Variants in INPP5A observed in about 807,000 individuals in gnomAD.
INPP5A encodes 43 kDa inositol polyphosphate 5-phophatase.
INPP5A carries 14 observed loss-of-function variants against 65.2 expected under a neutral mutation model. The observed-to-expected ratio is 0.21, with a 90% confidence interval of 0.14 to 0.34. The LOEUF is 0.34. Ranked by LOEUF, INPP5A falls within the 10% of genes least tolerant of loss-of-function variation. The pLI is 1.00. For synonymous variants in INPP5A, 207 were observed against 208.3 expected, an observed-to-expected ratio of 0.99 and a Z score of 0.05; for missense variants, 431 against 545.6, an observed-to-expected ratio of 0.79 and a Z score of 2.09.
chr10:132,557,654 C>T (rs1241422056), intron 1 of INPP5A, among the ~76,000 whole-genome samples: 3 of 152,178 alleles, frequency 2.0e-5, no homozygotes, highest in African/African-American at 7.2e-5. Context: ...GTCTGTCAGA[C>T]TTAGGGTGTA....
intron 12 of INPP5A, among the ~76,000 whole-genome samples, chr10:132,766,786 C>T (rs12257116): frequency 7.5e-4 from 115 of 152,350 alleles, no homozygotes; most frequent in African/African-American, 2.5e-3. Flanking sequence ...TGTTGGAAGC[C>T]GCAGGGGACT....
chr10:132,688,817 C>T (rs924664423), intron 4 of INPP5A, among the ~76,000 whole-genome samples: 2 of 4,174 alleles, frequency 4.8e-4, no homozygotes, highest in Non-Finnish European at 7.8e-4. Context: ...AGTGTGAGTG[C>T]ATGACTGAGT....
At chr10:132,632,563 G>A (rs909575045) in intron 2 of INPP5A, among the ~76,000 whole-genome samples, 1 of 152,172 alleles carries the variant, frequency 6.6e-6, no homozygotes, top group African/African-American at 2.4e-5. Flanking sequence ...GCAGGAGCCC[G>A]TGCCCGGTGT....
rs191613771 is a variant in INPP5A at position 132,682,881 on chromosome 10, C to T, written c.307-7511C>T. Among the ~76,000 whole-genome samples the T allele has an allele frequency of 4.0e-3, 602 of 149,198 alleles. 6 individuals carry two copies. Among genetic ancestry groups the T allele is most frequent in the African/African-American group, 0.014 (573 of 40,124 alleles). ...TGTGTATTATATACATATGCACGCACGTTTAATCTGTGTGTACACATGTGT... is the reference window on the plus strand; with the variant it reads ...TGTGTATTATATACATATGCACGCATGTTTAATCTGTGTGTACACATGTGT... On this transcript the variant is annotated intron_variant, in intron 4 of 15. Transcript: ENST00000368594.
At chr10:132,566,861 TA>T (rs2133277889) in intron 1 of INPP5A, among the ~76,000 whole-genome samples, 1 of 152,336 alleles carries the variant, frequency 6.6e-6, no homozygotes, top group East Asian at 1.9e-4. Flanking sequence ...AAGAATAATG[TA>T]AATATTGAAT....
chr10:132,584,764 C>A (rs574435789), intron 1 of INPP5A, among the ~76,000 whole-genome samples: 2 of 152,186 alleles, frequency 1.3e-5, no homozygotes, highest in African/African-American at 4.8e-5. Context: ...GAGACAGGGT[C>A]TCCCTCTGTC....
intron 4 of INPP5A, among the ~76,000 whole-genome samples, chr10:132,681,626 C>G (rs938419148): frequency 6.6e-6 from 1 of 152,054 alleles, no homozygotes; most frequent in Non-Finnish European, 1.5e-5. Context: ...GGAGTTGGAA[C>G]CTTTGTGCAC....
At chr10:132,542,667 G>C (rs2070921848) in intron 1 of INPP5A, among the ~76,000 whole-genome samples, 1 of 152,228 alleles carries the variant, frequency 6.6e-6, no homozygotes, top group Non-Finnish European at 1.5e-5. Context: ...CTGGGTGCGG[G>C]TTGTACCCAG....
intron 9 of INPP5A, among the ~76,000 whole-genome samples, chr10:132,734,846 C>T (rs1046476761): frequency 9.2e-5 from 14 of 152,200 alleles, no homozygotes; most frequent in African/African-American, 2.9e-4. Context: ...AGTCAAAGGC[C>T]GGCAGGAGTG....
At chr10:132,562,036 A>C (rs1014714649) in intron 1 of INPP5A, among the ~76,000 whole-genome samples, 3 of 152,244 alleles carry the variant, frequency 2.0e-5, no homozygotes, top group African/African-American at 7.2e-5. Context: ...TAAGTAGGAA[A>C]GGAAGTTTAA....
intron 1 of INPP5A, among the ~76,000 whole-genome samples, chr10:132,574,401 G>C (rs1333586965): frequency 6.7e-6 from 1 of 150,112 alleles, no homozygotes; most frequent in Non-Finnish European, 1.5e-5. Flanking sequence ...TGTGTGTCCT[G>C]TGTGAGGTTT....
chr10:132,647,115 C>T (rs1401507311), intron 3 of INPP5A, among the ~76,000 whole-genome samples: 296 of 142,660 alleles, frequency 2.1e-3, no homozygotes, highest in Middle Eastern at 7.3e-3. Context: ...TTTTTTTTTT[C>T]TTTTTTTTTT....
At chr10:132,573,404 C>T (rs1457922791) in intron 1 of INPP5A, among the ~76,000 whole-genome samples, 63 of 65,016 alleles carry the variant, frequency 9.7e-4, no homozygotes, top group Admixed American at 7.3e-4. Context: ...TTGGGGTGTG[C>T]GTGCCGTGTG....
At chr10:132,598,794 G>T (rs1385478415) in intron 1 of INPP5A, among the ~76,000 whole-genome samples, 5 of 152,188 alleles carry the variant, frequency 3.3e-5, no homozygotes, top group African/African-American at 7.2e-5. Flanking sequence ...TTATAGTTCC[G>T]CATGGCTGGA....
At chr10:132,561,985 T>G (rs1399014756) in intron 1 of INPP5A, among the ~76,000 whole-genome samples, 1 of 152,234 alleles carries the variant, frequency 6.6e-6, no homozygotes, top group Non-Finnish European at 1.5e-5. Flanking sequence ...TTTGTCAGCT[T>G]CAGGGTTCTA....
intron 3 of INPP5A, among the ~76,000 whole-genome samples, chr10:132,649,993 TG>T (rs2072551777): frequency 6.6e-6 from 1 of 152,184 alleles, no homozygotes; most frequent in African/African-American, 2.4e-5. Flanking sequence ...CAGAACTACC[TG>T]GGCCCTGGGG....
At chr10:132,643,474 T>C (rs2072453020) in intron 2 of INPP5A, among the ~76,000 whole-genome samples, 1 of 152,200 alleles carries the variant, frequency 6.6e-6, no homozygotes, top group Non-Finnish European at 1.5e-5. Context: ...TACTCCAGCC[T>C]GGGCAACAGA....
chr10:132,576,580 G>T (rs1008318044), intron 1 of INPP5A, among the ~76,000 whole-genome samples: 4 of 152,220 alleles, frequency 2.6e-5, no homozygotes, highest in Admixed American at 2.0e-4. Context: ...GGCCTAAACT[G>T]CACATGATAT....
chr10:132,769,209 G>A (rs1202809660), intron 12 of INPP5A, among the ~76,000 whole-genome samples: 11 of 152,276 alleles, frequency 7.2e-5, no homozygotes, highest in Non-Finnish European at 1.5e-5. Context: ...ACTGAATGCT[G>A]TCTGTCATTT....
Sources: gnomAD v4.1 joint callset for allele counts (sites outside exome capture counted in the v4.1 genomes callset) on GRCh38, gnomAD v4.1.1 for gene constraint, MANE v1.5 for transcripts, NCBI Gene and HGNC (gene_info 2026-07-23, HGNC 2026-07-21) for gene names.